The following COL24A1 variants were observed in gnomAD, a reference collection of about 807,000 sequenced individuals.
COL24A1 encodes the protein collagen type XXIV alpha 1 chain.
COL24A1 carries 224 observed loss-of-function variants against 253.9 expected under a neutral mutation model. The ratio of observed to expected loss-of-function variants is 0.88; its 90% CI spans 0.79 to 0.99. The LOEUF (loss-of-function observed/expected upper bound fraction) is 0.99. COL24A1 is among the 50% of genes least tolerant of loss of function. COL24A1 has a pLI of 0.00. For synonymous variants in COL24A1, 685 were observed against 673.7 expected (o/e 1.02, Z -0.26); for missense variants, 2,131 against 2,068.5 (o/e 1.03, Z -0.59).
At chr1:85,936,376 T>C (rs1688248031) in intron 24 of COL24A1, among the ~76,000 whole-genome samples, 1 of 146,934 alleles carries the variant, frequency 6.8e-6, no homozygotes, top group African/African-American at 2.5e-5. Flanking sequence ...ATTATGCCAA[T>C]AACTAGGGTT....
rs72945756 is a variant in COL24A1 at position 86,130,032 on chromosome 1, G to A, written c.122-3818C>T. Among the ~76,000 whole-genome samples, 422 of 151,880 alleles carry A rather than the reference G, an allele frequency of 2.8e-3. 2 individuals carry two copies. Among genetic ancestry groups the A allele is most frequent in the African/African-American group, 9.6e-3 (400 of 41,506 alleles). ...TGGTCTTTGCTTTATGAATATTGAT[G>A]TCATGGTTTTTATGCATAGATAATC... On this transcript the variant is annotated intron_variant, in intron 2 of 59. Transcript: ENST00000370571.
At chr1:86,066,796 C>T (rs1701523982) in intron 7 of COL24A1, among the ~76,000 whole-genome samples, 1 of 152,058 alleles carries the variant, frequency 6.6e-6, no homozygotes, top group Admixed American at 6.5e-5. Flanking sequence ...AAAGTAACTA[C>T]TTTTTTCAAT....
intron 3 of COL24A1, among the ~76,000 whole-genome samples, chr1:86,118,303 TC>T (rs1413839219): frequency 6.6e-6 from 1 of 152,136 alleles, no homozygotes; most frequent in Non-Finnish European, 1.5e-5. Flanking sequence ...GACCTTGTGA[TC>T]CCCCTGCCTT....
At chr1:85,905,717 A>C (rs1159839240) in intron 28 of COL24A1, among the ~76,000 whole-genome samples, 2 of 152,100 alleles carry the variant, frequency 1.3e-5, no homozygotes, top group East Asian at 1.9e-4. Context: ...AGGAAACAGT[A>C]ATAGGATCAT....
At chr1:85,961,712 C>T (rs1056253435) in intron 23 of COL24A1, among the ~76,000 whole-genome samples, 1 of 152,114 alleles carries the variant, frequency 6.6e-6, no homozygotes, top group African/African-American at 2.4e-5. Context: ...GACTGGGAGG[C>T]CTCAGGAAGC....
chr1:86,106,207 T>C (rs1704967069), intron 5 of COL24A1, among the ~76,000 whole-genome samples: 1 of 152,112 alleles, frequency 6.6e-6, no homozygotes, highest in Non-Finnish European at 1.5e-5. Context: ...GTACTTCTAG[T>C]TAAGATAAAT....
chr1:85,732,618 T>C lies in COL24A1; in HGVS notation c.4999-1926A>G, dbSNP rs183459221. Among the ~76,000 whole-genome samples, 495 of 152,278 alleles carry C rather than the reference T, an allele frequency of 3.3e-3. 3 individuals are homozygous for C. Among genetic ancestry groups the C allele is most frequent in the African/African-American group, 0.011 (456 of 41,566 alleles). On this transcript the variant is annotated intron_variant, in intron 59 of 59. Coordinates refer to ENST00000370571, the MANE Select transcript of COL24A1 (RefSeq NM_152890.7). Reference sequence around the variant, plus strand: ...TGCATTACTTTAATTTTTATTTATTTTTTACTTTAATTTTTATTTTACTTA... The same window carrying C: ...TGCATTACTTTAATTTTTATTTATTCTTTACTTTAATTTTTATTTTACTTA...
At chr1:85,784,403 G>T (rs893140618) in intron 48 of COL24A1, 37 bp from the exon 49 acceptor site, 1 of 1,469,774 alleles carries the variant, frequency 6.8e-7, no homozygotes, top group Admixed American at 1.7e-5. Flanking sequence ...CTTTACATCA[G>T]AACATATAAA....
chr1:85,933,047 C>G (rs1474899100), intron 24 of COL24A1, among the ~76,000 whole-genome samples: 3 of 132,894 alleles, frequency 2.3e-5, no homozygotes, highest in Non-Finnish European at 4.7e-5. Context: ...TGTAACTAAC[C>G]TGCACAATGT....
At chr1:86,062,328 C>G (rs897974357) in intron 8 of COL24A1, among the ~76,000 whole-genome samples, 3 of 151,886 alleles carry the variant, frequency 2.0e-5, no homozygotes, top group African/African-American at 7.2e-5. Context: ...CTCTGAATGT[C>G]CACAGTATTT....
At chr1:85,871,962 C>T (rs1373299096) in intron 35 of COL24A1, among the ~76,000 whole-genome samples, 2 of 152,118 alleles carry the variant, frequency 1.3e-5, no homozygotes, top group Non-Finnish European at 2.9e-5. Context: ...TCGTTTCAGC[C>T]CCAAATCTCC....
chr1:85,864,567 T>G (rs1274158605), intron 37 of COL24A1, among the ~76,000 whole-genome samples: 1 of 152,088 alleles, frequency 6.6e-6, no homozygotes, highest in Admixed American at 6.6e-5. Flanking sequence ...TTATAAACAT[T>G]TGCTATTAAA....
intron 24 of COL24A1, among the ~76,000 whole-genome samples, chr1:85,951,728 C>G (rs1355702155): frequency 1.3e-5 from 2 of 152,088 alleles, no homozygotes; most frequent in African/African-American, 4.8e-5. Context: ...TTGGTCTTTT[C>G]TGATTTTAGT....
At chr1:85,797,207 CAAAAAAAAAAAAA>C in intron 47 of COL24A1, among the ~76,000 whole-genome samples, 2 of 66,202 alleles carry the variant, frequency 3.0e-5, no homozygotes, top group East Asian at 3.9e-4. Flanking sequence ...GACTCCGTCT[CAAAAAAAAAAAAA>C]AAAAAAAAAA....
intron 53 of COL24A1, among the ~76,000 whole-genome samples, chr1:85,770,063 G>A (rs955913425): frequency 6.6e-6 from 1 of 152,052 alleles, no homozygotes; most frequent in African/African-American, 2.4e-5. Context: ...AAGTCTCTCT[G>A]CTTTTCCCTT....
chr1:86,057,950 G>A lies in COL24A1; in HGVS notation c.1832C>T (p.Pro611Leu), dbSNP rs1470149344. ...ACTTACTTGTGCACCTTTAGGACCTGGATTACCTTCTGGTCCAGCTAAACC... is the reference window on the plus strand; with the variant it reads ...ACTTACTTGTGCACCTTTAGGACCTAGATTACCTTCTGGTCCAGCTAAACC... Reference protein sequence around the residue: ...RQGLAGPEGNPGPKGAQGFIG... With the variant: ...RQGLAGPEGNLGPKGAQGFIG... Residue 611 changes from proline to leucine, a missense_variant, in exon 10 of 60, where the codon CCA (proline) becomes CTA (leucine). Physicochemically the swap from Pro to Leu is moderately conservative, Grantham distance 98 (BLOSUM62 -3). Coordinates refer to ENST00000370571, the MANE Select transcript of COL24A1 (RefSeq NM_152890.7). 1 of 1,612,752 alleles carries A rather than the reference G, an allele frequency of 6.2e-7. No individual in the cohort carries two copies. Among genetic ancestry groups the A allele is most frequent in the Non-Finnish European group, 8.5e-7 (1 of 1,179,292 alleles).
At chr1:85,745,372 C>G (rs1272195790) in intron 56 of COL24A1, 69 bp downstream of exon 56, 3 of 1,163,412 alleles carry the variant, frequency 2.6e-6, no homozygotes, top group Non-Finnish European at 3.6e-6. Flanking sequence ...TTTTGGCCTC[C>G]AAAAATTTTC....
At chr1:85,867,458 T>C (rs313769) in intron 37 of COL24A1, among the ~76,000 whole-genome samples, 62,585 of 152,026 alleles carry the variant, frequency 0.41, 13,376 homozygotes, top group South Asian at 0.59. Context: ...TTAAATGCTG[T>C]AATCTTTAAA....
chr1:86,094,834 T>C (rs375456323), intron 5 of COL24A1, among the ~76,000 whole-genome samples: 1 of 151,972 alleles, frequency 6.6e-6, no homozygotes, highest in African/African-American at 2.4e-5. Context: ...ATAAGAGTAA[T>C]TAGAGCTTAT....
Sources: allele counts gnomAD v4.1 joint callset (sites outside exome capture counted in the v4.1 genomes callset), GRCh38; gene constraint gnomAD v4.1.1; transcripts MANE v1.5; gene names NCBI Gene and HGNC (gene_info 2026-07-23, HGNC 2026-07-21).